Variants in VPS13B observed in about 807,000 individuals in gnomAD.
VPS13B encodes vacuolar protein sorting 13 homolog B.
A neutral mutation model predicts 426.4 loss-of-function variants in VPS13B; 285 were observed. The observed-to-expected ratio is 0.67, with a 90% CI of 0.61 to 0.74. The LOEUF (loss-of-function observed/expected upper bound fraction) is 0.74. Among genes scored for constraint, VPS13B ranks in the 30% least tolerant of loss-of-function variants. The pLI, the probability that VPS13B is intolerant of heterozygous loss-of-function variation, is 0.00. For missense variants in VPS13B, 4,537 were observed against 4,782.6 expected (o/e 0.95, Z 1.51); for synonymous variants, 1,676 against 1,676.4 (o/e 1.00, Z 0.01).
At chr8:99,734,203 A>T (rs1323779243) in intron 39 of VPS13B, among the ~76,000 whole-genome samples, 2 of 152,178 alleles carry the variant, frequency 1.3e-5, no homozygotes, top group African/African-American at 2.4e-5. Context: ...TCTGTACTTC[A>T]TTCCTTTCTG....
chr8:99,300,024 G>A (rs1485344033), intron 19 of VPS13B, among the ~76,000 whole-genome samples: 1 of 152,136 alleles, frequency 6.6e-6, no homozygotes, highest in African/African-American at 2.4e-5. Flanking sequence ...ATGGGAACAT[G>A]TGCCAAAAGT....
intron 35 of VPS13B, among the ~76,000 whole-genome samples, chr8:99,691,351 C>T (rs1040754220): frequency 6.6e-6 from 1 of 151,660 alleles, no homozygotes; most frequent in African/African-American, 2.4e-5. Context: ...AAATTGTATG[C>T]TATTGAAAGG....
intron 52 of VPS13B, among the ~76,000 whole-genome samples, chr8:99,833,339 A>G (rs1815192257): frequency 6.6e-6 from 1 of 152,250 alleles, no homozygotes; most frequent in African/African-American, 2.4e-5. Flanking sequence ...AACTTAGTAT[A>G]TATAACAGCT....
At chr8:99,365,455 G>A (rs966217012) in intron 19 of VPS13B, among the ~76,000 whole-genome samples, 2 of 146,222 alleles carry the variant, frequency 1.4e-5, no homozygotes, top group African/African-American at 5.0e-5. Context: ...TGCTGTTTTG[G>A]TATGCTGTTT....
intron 39 of VPS13B, among the ~76,000 whole-genome samples, chr8:99,748,699 A>G (rs1184365081): frequency 1.3e-5 from 2 of 151,576 alleles, no homozygotes; most frequent in Non-Finnish European, 2.9e-5. Flanking sequence ...TTTGCATTCT[A>G]CTTTGTGGAG....
intron 19 of VPS13B, among the ~76,000 whole-genome samples, chr8:99,295,034 C>A (rs758412886): frequency 2.6e-5 from 4 of 152,070 alleles, no homozygotes; most frequent in Non-Finnish European, 4.4e-5. Context: ...AGCTTATCTT[C>A]ATTGACAAAC....
At chr8:99,754,498 G>A (rs894749806) in intron 39 of VPS13B, among the ~76,000 whole-genome samples, 5 of 152,080 alleles carry the variant, frequency 3.3e-5, no homozygotes, top group African/African-American at 1.2e-4. Context: ...AGACAAAGCC[G>A]GTTTCTTAGC....
chr8:99,676,946 A>G (rs918886328), intron 35 of VPS13B, among the ~76,000 whole-genome samples: 1 of 152,104 alleles, frequency 6.6e-6, no homozygotes, highest in Non-Finnish European at 1.5e-5. Flanking sequence ...CCTGGCCAAC[A>G]TGGCAAAACC....
At chr8:99,684,246 A>T (rs1209914689) in intron 35 of VPS13B, among the ~76,000 whole-genome samples, 8 of 152,208 alleles carry the variant, frequency 5.3e-5, no homozygotes, top group Non-Finnish European at 1.0e-4. Flanking sequence ...TTCTTGAGGA[A>T]TATCCATGTA....
chr8:99,724,549 C>T (rs541272893), intron 39 of VPS13B, among the ~76,000 whole-genome samples: 1 of 152,206 alleles, frequency 6.6e-6, no homozygotes, highest in South Asian at 2.1e-4. Flanking sequence ...GGGCAAACTA[C>T]TGATCTTTTT....
chr8:99,260,956 C>G (rs1490671901), intron 17 of VPS13B, among the ~76,000 whole-genome samples: 1 of 151,504 alleles, frequency 6.6e-6, no homozygotes, highest in African/African-American at 2.4e-5. Context: ...TAAAAAAAAA[C>G]TTAATTTTTT....
intron 39 of VPS13B, among the ~76,000 whole-genome samples, chr8:99,721,724 C>A (rs1346032554): frequency 2.0e-5 from 3 of 152,108 alleles, no homozygotes; most frequent in Non-Finnish European, 4.4e-5. Flanking sequence ...CAGGTCATTC[C>A]TGATTGCCTT....
At chr8:99,678,761 C>A (rs1260049862) in intron 35 of VPS13B, among the ~76,000 whole-genome samples, 1 of 152,102 alleles carries the variant, frequency 6.6e-6, no homozygotes, top group Non-Finnish European at 1.5e-5. Flanking sequence ...TGGCATACTT[C>A]TTTGAAGAGA....
rs59522447 is a variant in VPS13B at position 99,075,488 on chromosome 8, C to A, written c.292-20824C>A. On this transcript the variant is annotated intron_variant, in intron 3 of 61. Coordinates refer to ENST00000357162, the MANE Select transcript of VPS13B (RefSeq NM_152564.5). ...CAAACCATTAATGGGCAGTTTTTCC[C>A]CATGATCCAGTCACCTCTCACCAGG... 3.8e-3 allele frequency among the ~76,000 whole-genome samples: 582 copies of A among 152,256 alleles called. 2 individuals carry two copies. The highest frequency in any genetic ancestry group is 0.013 in the African/African-American group (542 of 41,546).
chr8:99,545,552 G>C (rs1395414200), intron 30 of VPS13B, among the ~76,000 whole-genome samples: 2 of 151,950 alleles, frequency 1.3e-5, no homozygotes, highest in Admixed American at 1.3e-4. Flanking sequence ...CATAACTCTG[G>C]GTTATGTATC....
At chr8:99,199,837 C>T (rs919683271) in intron 17 of VPS13B, among the ~76,000 whole-genome samples, 1 of 150,882 alleles carries the variant, frequency 6.6e-6, no homozygotes, top group Admixed American at 6.6e-5. Flanking sequence ...ATATTTTATT[C>T]TTTCTTTTCC....
At chr8:99,591,164 CTTTTTTTTT>C (rs376201526) in intron 33 of VPS13B, among the ~76,000 whole-genome samples, 2 of 96,534 alleles carry the variant, frequency 2.1e-5, no homozygotes, top group African/African-American at 7.7e-5. Flanking sequence ...GCAACCGCTC[CTTTTTTTTT>C]TTTTTTTTTT....
chr8:99,651,128 C>G (rs966478791), intron 34 of VPS13B, among the ~76,000 whole-genome samples: 5 of 152,024 alleles, frequency 3.3e-5, no homozygotes, highest in African/African-American at 1.2e-4. Context: ...CAAGGGATGA[C>G]TTTAAACATA....
chr8:99,185,170 G>A (rs972422755), intron 16 of VPS13B, among the ~76,000 whole-genome samples: 2 of 152,162 alleles, frequency 1.3e-5, no homozygotes, highest in African/African-American at 4.8e-5. Flanking sequence ...CTCATATCAA[G>A]TAGGCTGTAG....
Sources: gnomAD v4.1 joint callset for allele counts (sites outside exome capture counted in the v4.1 genomes callset) on GRCh38, gnomAD v4.1.1 for gene constraint, MANE v1.5 for transcripts, NCBI Gene and HGNC (gene_info 2026-07-23, HGNC 2026-07-21) for gene names.